GABRG3: variants seen among roughly 807,000 people sequenced by gnomAD.
The protein encoded by GABRG3 is gamma-aminobutyric acid type A receptor subunit gamma3.
Under a neutral mutation model 48.8 loss-of-function variants are expected in GABRG3, and 25 were observed. The ratio of observed to expected loss-of-function variants is 0.51; its 90% CI spans 0.37 to 0.72. The LOEUF is 0.72. GABRG3 is among the 30% of genes least tolerant of loss of function. The pLI is 0.00. For missense variants in GABRG3, 394 were observed against 577.9 expected, an observed-to-expected ratio of 0.68 and a Z score of 3.26; for synonymous variants, 227 against 217.6, an observed-to-expected ratio of 1.04 and a Z score of -0.38.
chr15:27,063,466 GCT>G (rs1896685816), intron 3 of GABRG3, among the ~76,000 whole-genome samples: 1 of 152,208 alleles, frequency 6.6e-6, no homozygotes, highest in South Asian at 2.1e-4. Context: ...GTGAGCTCTA[GCT>G]CTGAGTTTGC....
chr15:27,331,386 A>G (rs1374669371), intron 5 of GABRG3, among the ~76,000 whole-genome samples: 1 of 152,214 alleles, frequency 6.6e-6, no homozygotes, highest in South Asian at 2.1e-4. Flanking sequence ...CGGCATATTC[A>G]TGCAATGGAA....
rs1206389481 is a variant in GABRG3, at chr15:27,537,183, C to A, written c.*4302C>A. The A allele has an allele frequency of 1.4e-5, 2 of 146,922 alleles. No homozygotes were observed. The highest frequency in any genetic ancestry group is 2.5e-5 in the African/African-American group (1 of 40,030). The allele number at this position is 146,922 out of a possible 1,614,324, so 9.1% of individuals were successfully genotyped here. A position where few individuals can be genotyped will look rare whatever the true frequency, so the allele number is the denominator to read the frequency against. On this transcript the variant is annotated 3_prime_UTR_variant, in exon 10 of 10. Transcript: ENST00000615808. The stretch of plus-strand genomic sequence containing the variant: ...CTCCACATAATCTGATGTAAATATA[C>A]ATTGAAACGTTAAGTTCTATTTGTA...
intron 3 of GABRG3, among the ~76,000 whole-genome samples, chr15:27,123,005 G>A (rs184960451): frequency 1.6e-4 from 25 of 152,298 alleles, no homozygotes; most frequent in Admixed American, 1.6e-3. Context: ...GGCCTGGCTG[G>A]CAGTGATGGT....
intron 3 of GABRG3, among the ~76,000 whole-genome samples, chr15:27,119,822 C>T (rs935222937): frequency 1.3e-5 from 2 of 152,220 alleles, no homozygotes; most frequent in Non-Finnish European, 2.9e-5. Context: ...TCTCCATTTC[C>T]TTGGCACATG....
At position 27,357,676 on chromosome 15, in the gene GABRG3, A is replaced by T. The variant is rs113878139; in HGVS notation, c.574+28788A>T. 1.7e-3 allele frequency among the ~76,000 whole-genome samples: 252 copies of T among 152,332 alleles called. 1 individual carries two copies. Among genetic ancestry groups the T allele is most frequent in the African/African-American group, 5.8e-3 (241 of 41,588 alleles). ...GCTCAATAAAAGACAGATGATTTTC[A>T]TATCTGCTTCCGCATTCAATCTGTT... On this transcript the variant is annotated intron_variant, in intron 5 of 9. Coordinates refer to ENST00000615808, the MANE Select transcript of GABRG3 (RefSeq NM_033223.5).
At chr15:27,318,363 C>T (rs1893303687) in intron 3 of GABRG3, among the ~76,000 whole-genome samples, 1 of 152,066 alleles carries the variant, frequency 6.6e-6, no homozygotes, top group African/African-American at 2.4e-5. Flanking sequence ...ATCAGTAATA[C>T]TCATCATTAA....
chr15:27,324,225 G>A (rs1055247534), intron 3 of GABRG3, among the ~76,000 whole-genome samples: 4 of 152,176 alleles, frequency 2.6e-5, no homozygotes, highest in South Asian at 2.1e-4. Flanking sequence ...GTATATATGC[G>A]TATACCTGTC....
chr15:27,000,654 C>A (rs1429564934), intron 2 of GABRG3, among the ~76,000 whole-genome samples: 2 of 152,124 alleles, frequency 1.3e-5, no homozygotes, highest in Admixed American at 1.3e-4. Flanking sequence ...CCACCTTGCT[C>A]CTGCTCTGGC....
intron 5 of GABRG3, among the ~76,000 whole-genome samples, chr15:27,409,843 A>G (rs543953950): frequency 1.4e-4 from 22 of 152,182 alleles, no homozygotes; most frequent in African/African-American, 4.6e-4. Context: ...GTTTTTTTAC[A>G]TAGATTTTTG....
chr15:27,036,668 C>T lies in GABRG3; in HGVS notation c.270+9847C>T, dbSNP rs148659860. Among the ~76,000 whole-genome samples, 84 of 152,044 alleles carry T rather than the reference C, an allele frequency of 5.5e-4. 1 individual carries two copies. The highest frequency in any genetic ancestry group is 4.9e-3 in the East Asian group (25 of 5,154). Reference sequence around the variant, plus strand: ...TTGCACCATTACGCTGCAGGCTGGGCGACAGAACAAGACTCCATCTCAAAA... The same window carrying T: ...TTGCACCATTACGCTGCAGGCTGGGTGACAGAACAAGACTCCATCTCAAAA... On this transcript the variant is annotated intron_variant, in intron 3 of 9. Coordinates refer to ENST00000615808, the MANE Select transcript of GABRG3 (RefSeq NM_033223.5).
At chr15:27,072,837 G>A (rs979765609) in intron 3 of GABRG3, among the ~76,000 whole-genome samples, 4 of 152,206 alleles carry the variant, frequency 2.6e-5, no homozygotes, top group African/African-American at 9.6e-5. Context: ...AGCCCAGAAA[G>A]TTAATTCCCA....
At chr15:27,281,633 C>A (rs1377994849) in intron 3 of GABRG3, among the ~76,000 whole-genome samples, 2 of 151,430 alleles carry the variant, frequency 1.3e-5, no homozygotes, top group African/African-American at 2.4e-5. Context: ...CTGTACTTTT[C>A]CTACTTTGAT....
In GABRG3 at chr15:27,239,329, C is replaced by T. The variant is rs1479787616; in HGVS notation, c.271-87480C>T. On this transcript the variant is annotated intron_variant, in intron 3 of 9. Transcript: ENST00000615808. ...CATACAAGTGTGAGAACCCTCTCTT[C>T]GTGGCCTTCCCTTGCTCTGTTTGTC... Among the ~76,000 whole-genome samples the T allele has an allele frequency of 5.9e-5, 9 of 152,232 alleles. No homozygotes were observed. In the South Asian group the frequency reaches 6.2e-4, roughly 11 times the overall value.
intron 3 of GABRG3, among the ~76,000 whole-genome samples, chr15:27,097,129 G>A (rs1278750484): frequency 6.6e-6 from 1 of 151,844 alleles, no homozygotes; most frequent in African/African-American, 2.4e-5. Flanking sequence ...TGGGATTACA[G>A]GTGTGAGCCA....
intron 3 of GABRG3, among the ~76,000 whole-genome samples, chr15:27,252,204 C>A (rs2140460624): frequency 6.6e-6 from 1 of 152,296 alleles, no homozygotes; most frequent in East Asian, 1.9e-4. Flanking sequence ...TGGCCGTGGG[C>A]TGGCCTGGCC....
At chr15:27,010,554 C>T (rs1413642299) in intron 2 of GABRG3, among the ~76,000 whole-genome samples, 1 of 152,146 alleles carries the variant, frequency 6.6e-6, no homozygotes, top group African/African-American at 2.4e-5. Context: ...TAAGTTGGGA[C>T]TGGCCAACTT....
At chr15:27,131,421 G>T (rs1897914549) in intron 3 of GABRG3, among the ~76,000 whole-genome samples, 2 of 151,758 alleles carry the variant, frequency 1.3e-5, no homozygotes, top group Admixed American at 1.3e-4. Context: ...TTAATGTGTT[G>T]CTCAATTCTG....
chr15:27,192,429 T>C (rs1888347506), intron 3 of GABRG3, among the ~76,000 whole-genome samples: 1 of 152,306 alleles, frequency 6.6e-6, no homozygotes, highest in South Asian at 2.1e-4. Context: ...CGTTTCTTTT[T>C]ATTCTTTTTT....
chr15:26,973,598 C>T (rs1894883931), intron 1 of GABRG3, among the ~76,000 whole-genome samples: 2 of 152,168 alleles, frequency 1.3e-5, no homozygotes, highest in African/African-American at 4.8e-5. Context: ...GATGGCTGTG[C>T]TTTGTGGTGA....
Sources: gnomAD v4.1 joint callset for allele counts (sites outside exome capture counted in the v4.1 genomes callset) on GRCh38, gnomAD v4.1.1 for gene constraint, MANE v1.5 for transcripts, NCBI Gene and HGNC (gene_info 2026-07-23, HGNC 2026-07-21) for gene names.